SNCAIP: variants seen among roughly 807,000 people sequenced by gnomAD.
SNCAIP encodes the protein synphilin-1.
In SNCAIP, 43 loss-of-function variants were observed where a neutral mutation model predicts 86.7. The ratio of observed to expected loss-of-function variants is 0.50; its 90% CI spans 0.39 to 0.64. The LOEUF is 0.64. Ranked by LOEUF, SNCAIP falls within the 30% of genes least tolerant of loss-of-function variation. The pLI is 0.00. For missense variants in SNCAIP, 981 were observed against 1,103.1 expected (o/e 0.89, Z 1.57); for synonymous variants, 417 against 427.2 (o/e 0.98, Z 0.29).
chr5:122,431,108 C>G (rs1054615580), intron 5 of SNCAIP, among the ~76,000 whole-genome samples: 1 of 151,970 alleles, frequency 6.6e-6, no homozygotes. Context: ...ACTGACCATG[C>G]CGTGTGTTGG....
At position 122,455,106 on chromosome 5, in the gene SNCAIP, A is replaced by G. The variant is rs921577915; in HGVS notation, c.2754+3505A>G. On this transcript the variant is annotated intron_variant, in intron 10 of 10. Coordinates refer to ENST00000261368, the MANE Select transcript of SNCAIP (RefSeq NM_005460.4). ...TCACTGTATTTAAATAAGCATCTTGACCCCTTCTCCTCATTACCCTGTAAA... is the reference window on the plus strand; with the variant it reads ...TCACTGTATTTAAATAAGCATCTTGGCCCCTTCTCCTCATTACCCTGTAAA... Among the ~76,000 whole-genome samples the G allele has an allele frequency of 2.0e-5, 3 of 152,202 alleles. No individual in the cohort carries two copies. In the East Asian group the frequency reaches 5.8e-4, roughly 29 times the overall value.
intron 1 of SNCAIP, among the ~76,000 whole-genome samples, chr5:122,378,846 T>C (rs1356251161): frequency 6.9e-6 from 1 of 145,908 alleles, no homozygotes; most frequent in Non-Finnish European, 1.5e-5. Flanking sequence ...GATCAGATAG[T>C]TGTAGATAAG....
At chr5:122,315,748 A>T (rs181846413) in intron 1 of SNCAIP, among the ~76,000 whole-genome samples, 9 of 152,284 alleles carry the variant, frequency 5.9e-5, no homozygotes, top group Admixed American at 5.9e-4. Flanking sequence ...AATTTTAGTC[A>T]TATCCTTCTG....
At chr5:122,417,741 C>T (rs983139336) in intron 3 of SNCAIP, among the ~76,000 whole-genome samples, 1 of 152,014 alleles carries the variant, frequency 6.6e-6, no homozygotes, top group Non-Finnish European at 1.5e-5. Context: ...TCCCCACCTC[C>T]CCTTTTATTC....
chr5:122,427,829 A>G (rs1162837968), intron 5 of SNCAIP, among the ~76,000 whole-genome samples: 2 of 152,184 alleles, frequency 1.3e-5, no homozygotes, highest in East Asian at 3.9e-4. Flanking sequence ...AAGGTATCAA[A>G]TAGAAAGATT....
At chr5:122,344,024 T>C (rs1758104456) in intron 1 of SNCAIP, among the ~76,000 whole-genome samples, 1 of 152,212 alleles carries the variant, frequency 6.6e-6, no homozygotes, top group Non-Finnish European at 1.5e-5. Flanking sequence ...CTTCCACGGC[T>C]ACTGTATTCA....
At chr5:122,401,267 C>A in intron 2 of SNCAIP, 2 of 845,194 alleles carry the variant, frequency 2.4e-6, no homozygotes, top group Non-Finnish European at 3.5e-6. Context: ...ATCATTTGCT[C>A]ATTCCCAAAT....
At chr5:122,425,299 G>A in intron 4 of SNCAIP, 53 bp from the exon 5 acceptor site, 1 of 1,415,068 alleles carries the variant, frequency 7.1e-7, no homozygotes, top group Non-Finnish European at 1.0e-6. Flanking sequence ...AACTCCTACA[G>A]GGTCTTGCTC....
At chr5:122,384,383 T>A (rs1002956536) in intron 1 of SNCAIP, among the ~76,000 whole-genome samples, 5 of 151,594 alleles carry the variant, frequency 3.3e-5, no homozygotes, top group African/African-American at 7.2e-5. Context: ...AATGTGAAGA[T>A]GATTCTTAAA....
In SNCAIP at chr5:122,403,664, A is replaced by G. The variant is rs969352648; in HGVS notation, c.58-129A>G. The G allele has an allele frequency of 1.5e-5, 12 of 812,002 alleles. No homozygotes were observed. In the African/African-American group the frequency reaches 2.0e-4, roughly 14 times the overall value. The allele number at this position is 812,002 out of a possible 1,614,324, so 50.3% of individuals were successfully genotyped here. ...CACGCAGCCCATTTAGGGTAAAATG[A>G]GATAAATTTTCTGAATATACATGTT... On this transcript the variant is annotated intron_variant, in intron 2 of 10. Coordinates refer to ENST00000261368, the MANE Select transcript of SNCAIP (RefSeq NM_005460.4).
chr5:122,342,930 T>C (rs1306138045), intron 1 of SNCAIP, among the ~76,000 whole-genome samples: 1 of 152,258 alleles, frequency 6.6e-6, no homozygotes, highest in African/African-American at 2.4e-5. Flanking sequence ...GCAATTGATA[T>C]ATGAAATGCT....
intron 7 of SNCAIP, among the ~76,000 whole-genome samples, chr5:122,442,029 T>C (rs368888538): frequency 6.6e-6 from 1 of 151,912 alleles, no homozygotes; most frequent in East Asian, 1.9e-4. Flanking sequence ...GACAAGACTT[T>C]TACCTCATCA....
intron 1 of SNCAIP, among the ~76,000 whole-genome samples, chr5:122,352,750 C>G (rs1360891117): frequency 1.3e-5 from 2 of 152,152 alleles, no homozygotes; most frequent in Non-Finnish European, 2.9e-5. Flanking sequence ...GTGGCTCACA[C>G]CTGTGATCCA....
In SNCAIP at chr5:122,444,773, A is replaced by C. The variant is rs759634388; in HGVS notation, c.1592+41A>C. The C allele has an allele frequency of 7.8e-6, 12 of 1,543,830 alleles. 1 individual carries two copies. The South Asian group carries it at 1.2e-4, about 16-fold the overall frequency. ...GTTCCATGAGAACCAAGTCTAACTC[A>C]TTATTGTTGTACTTAGGCTTCAGCC... On this transcript the variant is annotated intron_variant, in intron 8 of 10. Transcript: ENST00000261368.
Position 122,358,814 on chromosome 5 carries a change from A to G in SNCAIP, c.-46-32275A>G, listed in dbSNP as rs1017545273. On this transcript the variant is annotated intron_variant, in intron 1 of 10. Transcript: ENST00000261368. ...GTGTAAGGATTGTAGCTGAGTGTTG[A>G]TTAAAAGCAGCACCCTCTCGCTTGC... Among the ~76,000 whole-genome samples the G allele has an allele frequency of 2.6e-5, 4 of 152,260 alleles. No homozygotes were observed. The East Asian group carries it at 7.7e-4, about 29-fold the overall frequency.
chr5:122,368,483 G>T (rs1022257131), intron 1 of SNCAIP, among the ~76,000 whole-genome samples: 4 of 152,064 alleles, frequency 2.6e-5, no homozygotes, highest in Admixed American at 2.6e-4. Context: ...TTCTACTCAA[G>T]CCCATGCCAC....
At chr5:122,315,207 C>T (rs779429155) in intron 1 of SNCAIP, among the ~76,000 whole-genome samples, 5 of 152,304 alleles carry the variant, frequency 3.3e-5, no homozygotes, top group South Asian at 4.1e-4. Context: ...TTCCCTCAGA[C>T]GTTTTCAGTC....
intron 1 of SNCAIP, chr5:122,389,771 G>A (rs1178351731): frequency 6.6e-6 from 1 of 152,048 alleles, no homozygotes; most frequent in Non-Finnish European, 1.5e-5. Flanking sequence ...TTTCTTGGAT[G>A]GACTCTGTAT....
At chr5:122,354,666 TATG>T (rs1248341756) in intron 1 of SNCAIP, among the ~76,000 whole-genome samples, 1 of 152,202 alleles carries the variant, frequency 6.6e-6, no homozygotes, top group Admixed American at 6.5e-5. Flanking sequence ...ACTCGGGTTA[TATG>T]ATATTTTCAA....
Sources: gnomAD v4.1 joint callset for allele counts (sites outside exome capture counted in the v4.1 genomes callset) on GRCh38, gnomAD v4.1.1 for gene constraint, MANE v1.5 for transcripts, NCBI Gene and HGNC (gene_info 2026-07-23, HGNC 2026-07-21) for gene names.